RALGAPA1: variants seen among roughly 807,000 people sequenced by gnomAD.
RALGAPA1 encodes the protein ral GTPase-activating protein subunit alpha-1.
In RALGAPA1, 52 loss-of-function variants were observed where a neutral mutation model predicts 269.6. The observed-to-expected ratio is 0.19, with a 90% confidence interval of 0.15 to 0.24. RALGAPA1 has a LOEUF of 0.24. Among genes scored for constraint, RALGAPA1 ranks in the 10% least tolerant of loss-of-function variants. The pLI, the probability that RALGAPA1 is intolerant of heterozygous loss-of-function variation, is 1.00. For missense variants in RALGAPA1, 1,917 were observed against 3,013.9 expected (o/e 0.64, Z 8.52); for synonymous variants, 817 against 1,008.3 (o/e 0.81, Z 3.60).
intron 35 of RALGAPA1, 82 bp from the exon 36 acceptor site, chr14:35,605,791 G>T: frequency 6.9e-7 from 1 of 1,455,244 alleles, no homozygotes; most frequent in Non-Finnish European, 9.3e-7. Flanking sequence ...TATGTACAAA[G>T]TATGTAGCAA....
chr14:35,609,615 C>A (rs1408394871), intron 35 of RALGAPA1, among the ~76,000 whole-genome samples: 1 of 152,012 alleles, frequency 6.6e-6, no homozygotes, highest in African/African-American at 2.4e-5. Context: ...AGATTTCATA[C>A]CAATAACCAA....
In RALGAPA1 at chr14:35,688,499, C is replaced by G. The variant is rs1456648306; in HGVS notation, c.3912G>C (p.Leu1304=). The change falls in exon 18 of 42, where the codon CTG becomes CTC. Residue 1304 remains leucine, a synonymous_variant. Coordinates refer to ENST00000680220, the MANE Select transcript of RALGAPA1 (RefSeq NM_001346249.2). ...RMPPEAPLRD[L]YSHVMGYFGR... is the part of the protein sequence containing the mutation. ...CAAAATAGCCCATTACATGACTGTA[C>G]AGATCCCTCAGTGGAGCCTCTGGTG... 6.5e-7 allele frequency: 1 copy of G among 1,536,110 alleles called. No individual in the cohort carries two copies. The highest frequency in any genetic ancestry group is 8.7e-7 in the Non-Finnish European group (1 of 1,146,894).
intron 31 of RALGAPA1, among the ~76,000 whole-genome samples, chr14:35,636,244 G>A (rs2061657903): frequency 6.6e-6 from 1 of 151,786 alleles, no homozygotes; most frequent in Non-Finnish European, 1.5e-5. Context: ...GCTATAAACA[G>A]GTCACTTTTT....
At chr14:35,540,153 C>A (rs959569934) in intron 41 of RALGAPA1, among the ~76,000 whole-genome samples, 1 of 152,082 alleles carries the variant, frequency 6.6e-6, no homozygotes, top group Non-Finnish European at 1.5e-5. Context: ...AAAAGGAAGT[C>A]AGTTTCACTA....
chr14:35,787,648 G>T (rs1412952572), intron 1 of RALGAPA1, among the ~76,000 whole-genome samples: 2 of 149,950 alleles, frequency 1.3e-5, no homozygotes, highest in South Asian at 2.1e-4. Flanking sequence ...TTGAGACAGG[G>T]TCTTGCTGCA....
rs56181971 is a variant in RALGAPA1 at position 35,691,148 on chromosome 14, A to T, written c.2408-1145T>A. Among the ~76,000 whole-genome samples, 502 of 151,676 alleles carry T rather than the reference A, an allele frequency of 3.3e-3. 2 individuals are homozygous for T. The highest frequency in any genetic ancestry group is 0.011 in the African/African-American group (470 of 41,430). On this transcript the variant is annotated intron_variant, in intron 17 of 41. Transcript: ENST00000680220. Reference sequence around the variant, plus strand: ...ATTATCTAATTTAACTATCTCACAGATGAGAAAATTGAAGCCCAGAGAGGT... The same window carrying T: ...ATTATCTAATTTAACTATCTCACAGTTGAGAAAATTGAAGCCCAGAGAGGT...
Position 35,689,676 on chromosome 14 carries a change from CAA to C in RALGAPA1, c.2733_2734del (p.Cys912SerfsTer14), listed in dbSNP as rs1413985776. 7.5e-7 allele frequency: 1 copy of C among 1,333,740 alleles called. No individual in the cohort carries two copies. The highest frequency in any genetic ancestry group is 9.6e-7 in the Non-Finnish European group (1 of 1,043,982). 82.6% of individuals were successfully genotyped at this position (1,333,740 alleles called of 1,614,324 possible). A position where few individuals can be genotyped will look rare whatever the true frequency, so the allele number is the denominator to read the frequency against. Reference sequence around the variant, plus strand: ...AAGTTCTACTGGACCTATTAAATGACAAAGATGGTCATATATGCTATCACCAA... The same window carrying C: ...AAGTTCTACTGGACCTATTAAATGACAGATGGTCATATATGCTATCACCAA... On this transcript the variant is annotated frameshift_variant, in exon 18 of 42. Coordinates refer to ENST00000680220, the MANE Select transcript of RALGAPA1 (RefSeq NM_001346249.2). LOFTEE classifies it high-confidence loss of function.
chr14:35,595,016 T>C (rs1439529559), intron 37 of RALGAPA1, among the ~76,000 whole-genome samples: 3 of 151,568 alleles, frequency 2.0e-5, no homozygotes, highest in African/African-American at 7.3e-5. Context: ...GAGGACACTA[T>C]GTGTCCTAAG....
chr14:35,690,000 A>C lies in RALGAPA1; in HGVS notation c.2411T>G (p.Ile804Ser). ...GCGGGGAAGTATTTGAGCATCATCA[A>C]TATCTGTAAAAGAAAAAAAAATTAT... ...LTPLSDELSD[I>S]DDAQILPRST... The change falls in exon 18 of 42, where the codon ATT becomes AGT. Residue 804 changes from isoleucine (I) to serine (S), a missense_variant. By Grantham distance (142) the Ile-to-Ser change is moderately radical. Coordinates refer to ENST00000680220, the MANE Select transcript of RALGAPA1 (RefSeq NM_001346249.2). 1 of 1,563,042 alleles carries C rather than the reference A, an allele frequency of 6.4e-7. No individual in the cohort carries two copies. The highest frequency in any genetic ancestry group is 8.6e-7 in the Non-Finnish European group (1 of 1,163,024).
chr14:35,580,954 C>T (rs1175082002), intron 37 of RALGAPA1, among the ~76,000 whole-genome samples: 3 of 152,068 alleles, frequency 2.0e-5, no homozygotes, highest in African/African-American at 7.2e-5. Flanking sequence ...AATGTGTCTA[C>T]TGAATGGATT....
At chr14:35,592,129 C>T (rs545114880) in intron 37 of RALGAPA1, among the ~76,000 whole-genome samples, 44 of 152,250 alleles carry the variant, frequency 2.9e-4, no homozygotes, top group Middle Eastern at 3.4e-3. Context: ...TCCCTATTTT[C>T]TTGAAGGTAA....
At chr14:35,669,380 C>T (rs1395210382) in intron 26 of RALGAPA1, among the ~76,000 whole-genome samples, 1 of 152,080 alleles carries the variant, frequency 6.6e-6, no homozygotes, top group Non-Finnish European at 1.5e-5. Flanking sequence ...TCAGCCTCCC[C>T]AGTAGCTGGG....
intron 37 of RALGAPA1, among the ~76,000 whole-genome samples, chr14:35,582,404 G>GA (rs1384256133): frequency 6.6e-6 from 1 of 152,202 alleles, no homozygotes; most frequent in Non-Finnish European, 1.5e-5. Context: ...CGAACAAACT[G>GA]AAAATCAACA....
chr14:35,553,563 C>T (rs1239828037), intron 39 of RALGAPA1, among the ~76,000 whole-genome samples: 1 of 152,074 alleles, frequency 6.6e-6, no homozygotes, highest in Non-Finnish European at 1.5e-5. Flanking sequence ...TTTTGTAATT[C>T]CATGGCACAA....
chr14:35,737,790 A>AAAAAG, intron 12 of RALGAPA1, among the ~76,000 whole-genome samples: 1 of 138,416 alleles, frequency 7.2e-6, no homozygotes, highest in Non-Finnish European at 1.6e-5. Context: ...AAAAAAAAAA[A>AAAAAG]AAAAGAATGT....
At chr14:35,543,203 C>T (rs968563399) in intron 41 of RALGAPA1, among the ~76,000 whole-genome samples, 9 of 152,118 alleles carry the variant, frequency 5.9e-5, no homozygotes, top group Non-Finnish European at 1.0e-4. Flanking sequence ...TAAAATGGAG[C>T]TAATACTTGC....
At chr14:35,739,800 T>C (rs975009691) in intron 11 of RALGAPA1, among the ~76,000 whole-genome samples, 12 of 152,174 alleles carry the variant, frequency 7.9e-5, no homozygotes, top group African/African-American at 2.9e-4. Flanking sequence ...TCTCCTTGCC[T>C]ACAGACTGAC....
At chr14:35,763,127 C>T (rs2073863170) in intron 4 of RALGAPA1, among the ~76,000 whole-genome samples, 1 of 152,138 alleles carries the variant, frequency 6.6e-6, no homozygotes, top group Admixed American at 6.5e-5. Context: ...ACATCCTTAA[C>T]TGTAATATTT....
At chr14:35,677,886 TTA>T in intron 22 of RALGAPA1, 62 bp downstream of exon 22, 1 of 1,466,950 alleles carries the variant, frequency 6.8e-7, no homozygotes, top group Admixed American at 1.8e-5. Context: ...GATGCCTTAT[TTA>T]TGATCTCCTG....
Sources: allele counts gnomAD v4.1 joint callset (sites outside exome capture counted in the v4.1 genomes callset), GRCh38; gene constraint gnomAD v4.1.1; transcripts MANE v1.5; gene names NCBI Gene and HGNC (gene_info 2026-07-23, HGNC 2026-07-21).